CCDC73: variants seen among roughly 807,000 people sequenced by gnomAD.
CCDC73 encodes coiled-coil domain-containing protein 73.
A neutral mutation model predicts 116.5 loss-of-function variants in CCDC73; 95 were observed. The observed-to-expected ratio is 0.82, with a 90% CI of 0.69 to 0.97. The LOEUF (loss-of-function observed/expected upper bound fraction) is 0.97. Ranked by LOEUF, CCDC73 falls within the 50% of genes least tolerant of loss-of-function variation. CCDC73 has a pLI of 0.00. For missense variants in CCDC73, 1,066 were observed against 1,206.8 expected, an observed-to-expected ratio of 0.88 and a Z score of 1.73; for synonymous variants, 398 against 401.3, an observed-to-expected ratio of 0.99 and a Z score of 0.10.
At chr11:32,776,817 T>C (rs1424550394) in intron 1 of CCDC73, among the ~76,000 whole-genome samples, 1 of 151,150 alleles carries the variant, frequency 6.6e-6, no homozygotes, top group Non-Finnish European at 1.5e-5. Context: ...TATACATATG[T>C]ATATATACAA....
intron 14 of CCDC73, among the ~76,000 whole-genome samples, chr11:32,629,408 T>C (rs925769163): frequency 1.1e-4 from 15 of 138,676 alleles, no homozygotes; most frequent in Admixed American, 3.8e-4. Context: ...CTGTCAGAGA[T>C]ATAAAGACAC....
chr11:32,657,938 T>C (rs1047792826), intron 9 of CCDC73, among the ~76,000 whole-genome samples: 2 of 151,652 alleles, frequency 1.3e-5, no homozygotes, highest in African/African-American at 4.8e-5. Flanking sequence ...AGTTCAAAGC[T>C]GCAGTGACCG....
At chr11:32,728,031 C>T (rs767821560) in intron 2 of CCDC73, among the ~76,000 whole-genome samples, 143 of 152,092 alleles carry the variant, frequency 9.4e-4, no homozygotes, top group Non-Finnish European at 1.6e-3. Context: ...GCAGGTGGAT[C>T]GCTTGAGGCT....
intron 13 of CCDC73, among the ~76,000 whole-genome samples, chr11:32,638,175 C>G (rs536076625): frequency 6.6e-6 from 1 of 152,344 alleles, no homozygotes; most frequent in South Asian, 2.1e-4. Flanking sequence ...TTCACAGACT[C>G]ATAGGTTCAT....
Position 32,615,958 on chromosome 11 carries a change from C to G in CCDC73, c.1357G>C (p.Glu453Gln), listed in dbSNP as rs375600920. The G allele has an allele frequency of 5.2e-5, 82 of 1,568,500 alleles. No homozygotes were observed. In the Middle Eastern group the frequency reaches 1.0e-3, roughly 19 times the overall value. ...AGGTTACCATCTATAATTATTTCCT[C>G]TATAAATGAGCCTTCTTTTTTTTCT... is the stretch of plus-strand genomic sequence containing the variant. The part of the protein sequence containing the change: ...KEEKKEGSFI[E>Q]EIIIDDLQLF... The change falls in exon 15 of 18, where the codon GAG (glutamate) becomes CAG (glutamine). Residue 453 changes from glutamate to glutamine, a missense_variant. Transcript: ENST00000335185.
chr11:32,784,497 A>G (rs1162816502), intron 1 of CCDC73, among the ~76,000 whole-genome samples: 1 of 152,226 alleles, frequency 6.6e-6, no homozygotes, highest in African/African-American at 2.4e-5. Flanking sequence ...GGATGTGAAG[A>G]AGGAGAAGTT....
intron 2 of CCDC73, among the ~76,000 whole-genome samples, chr11:32,724,267 C>T (rs976660619): frequency 6.6e-6 from 1 of 152,054 alleles, no homozygotes; most frequent in East Asian, 1.9e-4. Flanking sequence ...ATTTAGAATT[C>T]AAAAATTTAT....
upstream of CCDC73, chr11:32,794,690 G>A (rs1271065010): frequency 1.3e-5 from 2 of 152,256 alleles, no homozygotes; most frequent in African/African-American, 4.8e-5. Flanking sequence ...CCGGCTTGAA[G>A]GTCATTAGCC....
At chr11:32,830,070 C>G in the CCDC73 span, 1 of 988,600 alleles carries the variant, frequency 1.0e-6, no homozygotes, top group Non-Finnish European at 1.2e-6. Flanking sequence ...GGAGCGTCGC[C>G]GAGGTTTGAG....
intron 12 of CCDC73, among the ~76,000 whole-genome samples, chr11:32,649,207 G>GA (rs992167882): frequency 1.3e-5 from 2 of 151,868 alleles, no homozygotes; most frequent in East Asian, 1.9e-4. Context: ...AACCATCTCT[G>GA]AAAAAAATTG....
upstream of CCDC73, among the ~76,000 whole-genome samples, chr11:32,796,308 A>C (rs937981035): frequency 2.0e-5 from 3 of 152,282 alleles, no homozygotes; most frequent in African/African-American, 7.2e-5. Context: ...AAATAAATTC[A>C]TATGAATGAA....
chr11:32,631,854 A>C (rs1358994049), intron 14 of CCDC73, among the ~76,000 whole-genome samples: 1 of 152,114 alleles, frequency 6.6e-6, no homozygotes, highest in Non-Finnish European at 1.5e-5. Flanking sequence ...TTCAATAGAC[A>C]TATAGGCAGG....
At chr11:32,762,656 A>G (rs571759634) in intron 1 of CCDC73, among the ~76,000 whole-genome samples, 1 of 152,246 alleles carries the variant, frequency 6.6e-6, no homozygotes. Context: ...CCAAATATGA[A>G]CAGCTCCAGT....
intron 9 of CCDC73, among the ~76,000 whole-genome samples, chr11:32,660,642 T>G (rs1016810729): frequency 6.6e-6 from 1 of 151,626 alleles, no homozygotes; most frequent in East Asian, 1.9e-4. Context: ...CTAGGCAACA[T>G]AGTGAGACCC....
chr11:32,722,584 C>A (rs1849999193), intron 2 of CCDC73, among the ~76,000 whole-genome samples: 1 of 152,098 alleles, frequency 6.6e-6, no homozygotes, highest in South Asian at 2.1e-4. Flanking sequence ...ACAGTAATAC[C>A]TTTCTATTAT....
intron 9 of CCDC73, among the ~76,000 whole-genome samples, chr11:32,666,496 G>T (rs1443773324): frequency 1.3e-5 from 2 of 152,174 alleles, no homozygotes; most frequent in Admixed American, 1.3e-4. Context: ...TCGTGCCGTG[G>T]TTTTCAGCTC....
At chr11:32,636,226 AC>A (rs1254156784) in intron 13 of CCDC73, among the ~76,000 whole-genome samples, 12 of 152,130 alleles carry the variant, frequency 7.9e-5, no homozygotes, top group Non-Finnish European at 1.5e-4. Flanking sequence ...TTCATAAAAA[AC>A]AAAAAATTAA....
At chr11:32,755,215 C>A (rs1246175160) in intron 2 of CCDC73, among the ~76,000 whole-genome samples, 1 of 147,612 alleles carries the variant, frequency 6.8e-6, no homozygotes, top group African/African-American at 2.5e-5. Context: ...AGGATAAAAG[C>A]TTAGGAAAAT....
At chr11:32,765,139 A>T (rs1850429395) in intron 1 of CCDC73, among the ~76,000 whole-genome samples, 1 of 152,190 alleles carries the variant, frequency 6.6e-6, no homozygotes, top group Non-Finnish European at 1.5e-5. Context: ...CTACAAAGAG[A>T]CTTAGACTCC....
Sources: gnomAD v4.1 joint callset for allele counts (sites outside exome capture counted in the v4.1 genomes callset) on GRCh38, gnomAD v4.1.1 for gene constraint, MANE v1.5 for transcripts, NCBI Gene and HGNC (gene_info 2026-07-23, HGNC 2026-07-21) for gene names.